Variants in ROPN1 observed in about 807,000 individuals in gnomAD.
ROPN1 encodes rhophilin associated tail protein 1.
ROPN1 carries 14 observed loss-of-function variants against 20.5 expected under a neutral mutation model. That is an observed-to-expected ratio of 0.68 (90% CI 0.45 to 1.07). The LOEUF (loss-of-function observed/expected upper bound fraction) is 1.07. Ranked by LOEUF, ROPN1 falls within the 50% of genes least tolerant of loss-of-function variation. The pLI, the probability that ROPN1 is intolerant of heterozygous loss-of-function variation, is 0.00. For missense variants in ROPN1, 169 were observed against 242.8 expected, an observed-to-expected ratio of 0.70 and a Z score of 2.02; for synonymous variants, 76 against 95.7, an observed-to-expected ratio of 0.79 and a Z score of 1.20.
chr3:123,978,353 G>A (rs1159893687), intron 2 of ROPN1, among the ~76,000 whole-genome samples: 1 of 152,106 alleles, frequency 6.6e-6, no homozygotes, highest in African/African-American at 2.4e-5. Context: ...TAAATGGGAG[G>A]GACAGAGACA....
intron 1 of ROPN1, among the ~76,000 whole-genome samples, chr3:123,990,551 C>T (rs1345663049): frequency 6.6e-6 from 1 of 152,208 alleles, no homozygotes; most frequent in African/African-American, 2.4e-5. Context: ...GGCACCAAAG[C>T]CCAGCTTTCC....
In ROPN1 at chr3:123,980,369, G is replaced by A. The variant is rs1189484125; in HGVS notation, c.113C>T (p.Ala38Val). ...AAGGCGAGAAAGGAGCACGTACTCG[G>A]CTGCCCACTGGATGAGGTCCTGCGG... The part of the protein sequence containing the change: ...VQPQDLIQWA[A>V]DYFEALSRGE... Residue 38 changes from alanine (A) to valine (V), a missense_variant, in exon 2 of 6, where the codon GCC becomes GTC. Coordinates refer to ENST00000405845, the MANE Select transcript of ROPN1 (RefSeq NM_001317774.2). 10 of 1,614,030 alleles carry A rather than the reference G, an allele frequency of 6.2e-6. No individual in the cohort carries two copies. The highest frequency in any genetic ancestry group is 7.6e-6 in the Non-Finnish European group (9 of 1,180,000).
chr3:123,985,958 A>T (rs1301676407), intron 1 of ROPN1, among the ~76,000 whole-genome samples: 2 of 128,490 alleles, frequency 1.6e-5, no homozygotes, highest in Non-Finnish European at 3.2e-5. Flanking sequence ...ACACCGCTGT[A>T]CTCTAGCCTG....
At chr3:123,988,862 A>G (rs1363581529) in intron 1 of ROPN1, among the ~76,000 whole-genome samples, 2 of 151,976 alleles carry the variant, frequency 1.3e-5, no homozygotes, top group Admixed American at 6.6e-5. Context: ...CAGTGACTCA[A>G]AGAAGGTATA....
At position 123,970,252 on chromosome 3, in the gene ROPN1, T is replaced by C. The variant is rs760589785; in HGVS notation, c.397-35A>G. 1.9e-6 allele frequency: 3 copies of C among 1,576,362 alleles called. No homozygotes were observed. In the East Asian group the frequency reaches 6.7e-5, roughly 35 times the overall value. On this transcript the variant is annotated intron_variant, in intron 4 of 5. Transcript: ENST00000405845. ...TTAGATAAAATGAGGAGAAAGTTACTCTTCCAGGCAATATTCCTGAGATCG... is the reference window on the plus strand; with the variant it reads ...TTAGATAAAATGAGGAGAAAGTTACCCTTCCAGGCAATATTCCTGAGATCG...
intron 1 of ROPN1, among the ~76,000 whole-genome samples, chr3:123,988,241 G>T (rs942611016): frequency 6.6e-6 from 1 of 152,038 alleles, no homozygotes; most frequent in Non-Finnish European, 1.5e-5. Flanking sequence ...CACCTCTTGG[G>T]TTCAAGCAAT....
intron 1 of ROPN1, 168 bp from the exon 2 acceptor site, chr3:123,980,661 T>A: frequency 1.9e-6 from 1 of 527,978 alleles, no homozygotes; most frequent in Non-Finnish European, 3.3e-6. Context: ...AACCATCTGC[T>A]AACCCCTACT....
intron 2 of ROPN1, chr3:123,979,593 C>T (rs1358443362): frequency 5.5e-6 from 2 of 365,426 alleles, no homozygotes; most frequent in South Asian, 2.1e-5. Flanking sequence ...AGGCCCGCAG[C>T]GATTGTTGTG....
chr3:123,984,600 T>G (rs560106727), intron 1 of ROPN1, among the ~76,000 whole-genome samples: 1 of 152,218 alleles, frequency 6.6e-6, no homozygotes, highest in Admixed American at 6.5e-5. Context: ...AAGTTGCTTT[T>G]TATAGTCAGA....
At chr3:123,980,228 G>A (rs377093880) in intron 2 of ROPN1, 138 bp downstream of exon 2, 21 of 749,186 alleles carry the variant, frequency 2.8e-5, no homozygotes, top group South Asian at 2.8e-4. Context: ...AAGCATCAAA[G>A]CAATGCAAGA....
In ROPN1 at chr3:123,980,034, G is replaced by A. The variant is rs565883474; in HGVS notation, c.116+332C>T. 870 of 499,942 alleles carry A rather than the reference G, an allele frequency of 1.7e-3. 2 individuals are homozygous for A. Among genetic ancestry groups the A allele is most frequent in the Middle Eastern group, 5.7e-3 (11 of 1,940 alleles). The allele number at this position is 499,942 out of a possible 1,614,324, so 31.0% of individuals were successfully genotyped here. Reference sequence around the variant, plus strand: ...AGATTCCCAGCCCTTCTTTCCACCGGGAGTGGGAAAAGGCGTGCAGGGAGG... The same window carrying A: ...AGATTCCCAGCCCTTCTTTCCACCGAGAGTGGGAAAAGGCGTGCAGGGAGG... On this transcript the variant is annotated intron_variant, in intron 2 of 5. Coordinates refer to ENST00000405845, the MANE Select transcript of ROPN1 (RefSeq NM_001317774.2).
At chr3:123,991,368 C>T (rs1167702409) in intron 1 of ROPN1, 2 of 84,920 alleles carry the variant, frequency 2.4e-5, no homozygotes, top group South Asian at 4.9e-4. Flanking sequence ...AAAATGAACA[C>T]GTGATAGGAG....
At chr3:123,988,603 G>A (rs1286619334) in intron 1 of ROPN1, among the ~76,000 whole-genome samples, 1 of 152,166 alleles carries the variant, frequency 6.6e-6, no homozygotes, top group Non-Finnish European at 1.5e-5. Context: ...TTCGTAGCTA[G>A]TTGTGGCATA....
chr3:123,984,854 G>A (rs990485029), intron 1 of ROPN1, among the ~76,000 whole-genome samples: 24 of 152,024 alleles, frequency 1.6e-4, no homozygotes, highest in East Asian at 1.2e-3. Flanking sequence ...AATTCTAGCC[G>A]GCTTACTTGA....
chr3:123,983,502 T>C (rs1391322932), intron 1 of ROPN1, among the ~76,000 whole-genome samples: 2 of 152,218 alleles, frequency 1.3e-5, no homozygotes, highest in Middle Eastern at 3.2e-3. Flanking sequence ...ATGACAACAG[T>C]AACAATGTTA....
At position 123,970,806 on chromosome 3, in the gene ROPN1, A is replaced by G. The variant is rs1374534259; in HGVS notation, c.397-589T>C. ...CAGCTAGTGCTTTATTTCATACTAC[A>G]TAATACTAACCCTTTTATTGCTGGG... is the stretch of plus-strand genomic sequence containing the variant. On this transcript the variant is annotated intron_variant, in intron 4 of 5. Transcript: ENST00000405845. 2.6e-5 allele frequency among the ~76,000 whole-genome samples: 4 copies of G among 152,330 alleles called. No homozygotes were observed. In the East Asian group the frequency reaches 7.7e-4, roughly 29 times the overall value.
In ROPN1 at chr3:123,989,838, G is replaced by T. The variant is rs2038361902; in HGVS notation, c.-13+2084C>A. On this transcript the variant is annotated intron_variant, in intron 1 of 5. Transcript: ENST00000405845. Reference sequence around the variant, plus strand: ...TTTCTCTGCTCTCCAGTCAGCTGTGGCCATCCCCTATGCACCAAGCTCTGG... The same window carrying T: ...TTTCTCTGCTCTCCAGTCAGCTGTGTCCATCCCCTATGCACCAAGCTCTGG... 2.0e-5 allele frequency among the ~76,000 whole-genome samples: 3 copies of T among 152,122 alleles called. No individual in the cohort carries two copies. In the South Asian group the frequency reaches 6.2e-4, roughly 32 times the overall value.
rs1222537443 is a variant in ROPN1, at chr3:123,980,425, C to T, written c.57G>A (p.Lys19=). ...CIPPELPKML[K]EFAKAAIRVQ... Reference sequence around the variant, plus strand: ...CCCTAATGGCGGCTTTGGCAAACTCCTTCAGCATCTTCGGCAGCTCCGGCG... The same window carrying T: ...CCCTAATGGCGGCTTTGGCAAACTCTTTCAGCATCTTCGGCAGCTCCGGCG... Residue 19 remains lysine, a synonymous_variant, in exon 2 of 6, where the codon AAG becomes AAA. Transcript: ENST00000405845. 2 of 1,614,188 alleles carry T rather than the reference C, an allele frequency of 1.2e-6. No individual in the cohort carries two copies. Among genetic ancestry groups the T allele is most frequent in the Non-Finnish European group, 1.7e-6 (2 of 1,180,024 alleles).
At chr3:123,988,246 A>G (rs899150071) in intron 1 of ROPN1, among the ~76,000 whole-genome samples, 7 of 152,064 alleles carry the variant, frequency 4.6e-5, no homozygotes, top group African/African-American at 1.7e-4. Context: ...CTTGGGTTCA[A>G]GCAATTCTCC....
Sources: gnomAD v4.1 joint callset for allele counts (sites outside exome capture counted in the v4.1 genomes callset) on GRCh38, gnomAD v4.1.1 for gene constraint, MANE v1.5 for transcripts, NCBI Gene and HGNC (gene_info 2026-07-23, HGNC 2026-07-21) for gene names.